MAPK8: variants seen among roughly 807,000 people sequenced by gnomAD.
MAPK8 encodes the protein JUN N-terminal kinase.
Under a neutral mutation model 52.9 loss-of-function variants are expected in MAPK8, and 13 were observed. That is an observed-to-expected ratio of 0.25 (90% confidence interval 0.16 to 0.39). MAPK8 has a LOEUF of 0.39. Among genes scored for constraint, MAPK8 ranks in the 10% least tolerant of loss-of-function variants. The pLI is 1.00. For missense variants in MAPK8, 300 were observed against 519.2 expected, an observed-to-expected ratio of 0.58 and a Z score of 4.10; for synonymous variants, 191 against 169.8, an observed-to-expected ratio of 1.12 and a Z score of -0.97.
At chr10:48,307,905 A>AC (rs1319431026) in intron 1 of MAPK8, among the ~76,000 whole-genome samples, 1 of 152,218 alleles carries the variant, frequency 6.6e-6, no homozygotes, top group Non-Finnish European at 1.5e-5. Flanking sequence ...GGATGCTTTG[A>AC]CTGAAGTATA....
chr10:48,379,997 A>C (rs2040896840), intron 1 of MAPK8, among the ~76,000 whole-genome samples: 1 of 150,770 alleles, frequency 6.6e-6, no homozygotes. Context: ...TAATCCCAGC[A>C]CTTTGGGAGG....
At chr10:48,395,188 G>C (rs2041827984) in intron 1 of MAPK8, among the ~76,000 whole-genome samples, 1 of 151,768 alleles carries the variant, frequency 6.6e-6, no homozygotes, top group Non-Finnish European at 1.5e-5. Flanking sequence ...AAAATACAAA[G>C]GACCTAGAAT....
chr10:48,327,557 T>A (rs1348862863), intron 1 of MAPK8, among the ~76,000 whole-genome samples: 1 of 152,196 alleles, frequency 6.6e-6, no homozygotes, highest in Non-Finnish European at 1.5e-5. Flanking sequence ...TTTCTTACCA[T>A]CTCTTTGTTT....
intron 1 of MAPK8, among the ~76,000 whole-genome samples, chr10:48,372,039 C>T (rs1357001573): frequency 6.6e-6 from 1 of 152,026 alleles, no homozygotes; most frequent in Non-Finnish European, 1.5e-5. Context: ...TAATGTTATC[C>T]AGAAGCCCAC....
chr10:48,385,364 A>G (rs1554825894), intron 1 of MAPK8, among the ~76,000 whole-genome samples: 2 of 152,160 alleles, frequency 1.3e-5, no homozygotes, highest in Non-Finnish European at 2.9e-5. Context: ...AAAACAAGCT[A>G]TTTTTATTAT....
intron 1 of MAPK8, among the ~76,000 whole-genome samples, chr10:48,387,472 A>T (rs1235295428): frequency 6.6e-6 from 1 of 152,144 alleles, no homozygotes; most frequent in African/African-American, 2.4e-5. Flanking sequence ...GCTCAGATTA[A>T]TTTTTATAAA....
At chr10:48,359,635 C>A (rs1218080006) in intron 1 of MAPK8, among the ~76,000 whole-genome samples, 1 of 152,138 alleles carries the variant, frequency 6.6e-6, no homozygotes, top group African/African-American at 2.4e-5. Flanking sequence ...TGAATACTTT[C>A]TATGTGACAG....
chr10:48,391,421 C>G (rs2041615661), intron 1 of MAPK8, among the ~76,000 whole-genome samples: 1 of 152,156 alleles, frequency 6.6e-6, no homozygotes, highest in Non-Finnish European at 1.5e-5. Flanking sequence ...ATTTCCTTCT[C>G]ACACATACTC....
intron 1 of MAPK8, among the ~76,000 whole-genome samples, chr10:48,392,564 G>A (rs889284257): frequency 1.3e-5 from 2 of 151,700 alleles, no homozygotes; most frequent in African/African-American, 4.8e-5. Context: ...ATCTCCATCC[G>A]TATGGCCACA....
At position 48,427,119 on chromosome 10, in the gene MAPK8, G is replaced by A. The variant is rs765234973; in HGVS notation, c.1036G>A (p.Glu346Lys). 1 of 1,613,066 alleles carries A rather than the reference G, an allele frequency of 6.2e-7. No homozygotes were observed. The highest frequency in any genetic ancestry group is 8.5e-7 in the Non-Finnish European group (1 of 1,179,390). ...KIPDKQLDER[E>K]HTIEEWKELI... ...CCCTGACAAGCAGTTAGATGAAAGG[G>A]AACACACAATAGAAGAGTGGAAAGG... The change falls in exon 10 of 12, where the codon GAA becomes AAA. Residue 346 changes from glutamate to lysine, a missense_variant. Glu to Lys is a moderately conservative substitution (Grantham distance 56). Transcript: ENST00000374189.
intron 1 of MAPK8, among the ~76,000 whole-genome samples, chr10:48,329,412 G>A (rs1318349655): frequency 2.6e-5 from 4 of 152,076 alleles, no homozygotes; most frequent in African/African-American, 7.2e-5. Context: ...AATTCAGAGC[G>A]GTGTATTGCT....
chr10:48,392,735 T>TTA (rs1382218106), intron 1 of MAPK8, among the ~76,000 whole-genome samples: 15 of 152,260 alleles, frequency 9.9e-5, no homozygotes, highest in Admixed American at 9.2e-4. Context: ...GTTATATGTG[T>TTA]TATACTATGC....
intron 1 of MAPK8, among the ~76,000 whole-genome samples, chr10:48,311,287 C>A (rs1564463655): frequency 6.6e-6 from 1 of 152,124 alleles, no homozygotes; most frequent in Non-Finnish European, 1.5e-5. Context: ...TTCTAATTCT[C>A]CAGAATATGC....
intron 1 of MAPK8, among the ~76,000 whole-genome samples, chr10:48,324,520 T>TTTTTTTTTTTC (rs1843307756): frequency 6.6e-6 from 1 of 150,794 alleles, no homozygotes; most frequent in African/African-American, 2.4e-5. Flanking sequence ...TTTTTTTTTT[T>TTTTTTTTTTTC]ACACTCATGA....
intron 3 of MAPK8, among the ~76,000 whole-genome samples, chr10:48,409,603 G>T (rs1456254825): frequency 6.6e-6 from 1 of 152,120 alleles, no homozygotes; most frequent in Non-Finnish European, 1.5e-5. Context: ...TTATGTAGAG[G>T]TTTGTATAAT....
intron 7 of MAPK8, chr10:48,425,643 G>C (rs1029211874): frequency 2.2e-5 from 8 of 364,188 alleles, no homozygotes; most frequent in Non-Finnish European, 3.9e-5. Context: ...GTGAGTTTAA[G>C]CTTCCATTTT....
At chr10:48,426,291 G>T (rs927646978) in intron 8 of MAPK8, 89 bp from the exon 9 acceptor site, 1 of 1,166,594 alleles carries the variant, frequency 8.6e-7, no homozygotes, top group Non-Finnish European at 1.2e-6. Context: ...TAAAACATAT[G>T]CTTTTTAAAA....
chr10:48,421,174 A>T (rs2043332753), intron 6 of MAPK8, among the ~76,000 whole-genome samples: 1 of 152,232 alleles, frequency 6.6e-6, no homozygotes, highest in South Asian at 2.1e-4. Flanking sequence ...TGAATCAGGA[A>T]ATTGTAATAA....
chr10:48,404,775 A>G (rs2042371339), intron 2 of MAPK8, 77 bp from the exon 3 acceptor site: 2 of 1,145,210 alleles, frequency 1.7e-6, no homozygotes, highest in South Asian at 1.5e-5. Flanking sequence ...TGAGAAATGT[A>G]TATGACTGTT....
Sources: gnomAD v4.1 joint callset for allele counts (sites outside exome capture counted in the v4.1 genomes callset) on GRCh38, gnomAD v4.1.1 for gene constraint, MANE v1.5 for transcripts, NCBI Gene and HGNC (gene_info 2026-07-23, HGNC 2026-07-21) for gene names.